The following DRC11 variants were observed in gnomAD, a reference collection of about 807,000 sequenced individuals.
DRC11 encodes the protein IQ and AAA domain-containing protein 1.
chr2:236,500,058 G>T, the DRC11 span, among the ~76,000 whole-genome samples: 1 of 151,420 alleles, frequency 6.6e-6, no homozygotes, highest in Non-Finnish European at 1.5e-5. This position sits in a 1 kb window ranked among gnomAD's most constrained non-coding sequence, Gnocchi z 6.3. Context: ...AGCGTATCTT[G>T]ATGTTTGCAA....
the DRC11 span, among the ~76,000 whole-genome samples, chr2:236,449,737 T>C: frequency 1.3e-5 from 2 of 152,242 alleles, no homozygotes; most frequent in African/African-American, 4.8e-5. The surrounding 1 kb of genome is among the most constrained non-coding windows in gnomAD (Gnocchi z 5.1). Flanking sequence ...TGGAGGCCTA[T>C]TTCTCATTAT....
chr2:236,380,525 G>A, the DRC11 span: 1 of 1,467,080 alleles, frequency 6.8e-7, no homozygotes, highest in Non-Finnish European at 9.3e-7. This position sits in a 1 kb window ranked among gnomAD's most constrained non-coding sequence, Gnocchi z 4.9. Flanking sequence ...GCTGTTCTCT[G>A]GGGCTGCTCA....
the DRC11 span, among the ~76,000 whole-genome samples, chr2:236,357,082 T>G: frequency 6.6e-4 from 60 of 91,556 alleles, 3 homozygotes; most frequent in African/African-American, 1.4e-3. Flanking sequence ...ATTATATATC[T>G]ATATATTTTA....
At chr2:236,311,257 G>A in the DRC11 span, among the ~76,000 whole-genome samples, 42 of 152,310 alleles carry the variant, frequency 2.8e-4, no homozygotes, top group Non-Finnish European at 4.7e-4. This position sits in a 1 kb window ranked among gnomAD's most constrained non-coding sequence, Gnocchi z 6.9. Context: ...CAGGGCAAGC[G>A]CCACACCTGG....
the DRC11 span, among the ~76,000 whole-genome samples, chr2:236,344,327 C>T: frequency 6.6e-6 from 1 of 152,128 alleles, no homozygotes; most frequent in Non-Finnish European, 1.5e-5. Flanking sequence ...GTGGAAAATC[C>T]CTCTCCCCTT....
the DRC11 span, among the ~76,000 whole-genome samples, chr2:236,365,655 A>AG: frequency 2.0e-5 from 3 of 151,930 alleles, no homozygotes; most frequent in African/African-American, 7.3e-5. This position sits in a 1 kb window ranked among gnomAD's most constrained non-coding sequence, Gnocchi z 7.4. Flanking sequence ...TGGACCCGGG[A>AG]GAGTGTGTGG....
the DRC11 span, chr2:236,392,418 T>G: frequency 1.2e-6 from 1 of 820,328 alleles, no homozygotes; most frequent in Non-Finnish European, 1.9e-6. This position sits in a 1 kb window ranked among gnomAD's most constrained non-coding sequence, Gnocchi z 5.1. Flanking sequence ...TAATGAAATT[T>G]TAAAAAGACG....
the DRC11 span, among the ~76,000 whole-genome samples, chr2:236,481,697 T>A: frequency 6.6e-6 from 1 of 152,090 alleles, no homozygotes; most frequent in African/African-American, 2.4e-5. Flanking sequence ...AAAAAAGAAA[T>A]CTCCCAAAGC....
At chr2:236,507,282 C>A in the DRC11 span, 1 of 1,614,002 alleles carries the variant, frequency 6.2e-7, no homozygotes, top group African/African-American at 1.3e-5. Flanking sequence ...GGCTACTTTC[C>A]CTCTTTTCCT....
At chr2:236,328,501 T>C in the DRC11 span, among the ~76,000 whole-genome samples, 2 of 152,062 alleles carry the variant, frequency 1.3e-5, no homozygotes, top group Non-Finnish European at 2.9e-5. The surrounding 1 kb of genome is among the most constrained non-coding windows in gnomAD (Gnocchi z 6.7). Context: ...TATAAAGTGT[T>C]CCAACTTTGT....
chr2:236,397,923 A>G, the DRC11 span, among the ~76,000 whole-genome samples: 50 of 152,374 alleles, frequency 3.3e-4, no homozygotes, highest in South Asian at 0.01. The surrounding 1 kb of genome is among the most constrained non-coding windows in gnomAD (Gnocchi z 5.0). Flanking sequence ...CTAGCACTGC[A>G]CCTGACACCC....
the DRC11 span, among the ~76,000 whole-genome samples, chr2:236,340,758 C>T: frequency 6.6e-6 from 1 of 152,222 alleles, no homozygotes; most frequent in Non-Finnish European, 1.5e-5. Flanking sequence ...TGTTACCTTT[C>T]TGTCCTGAAA....
chr2:236,447,321 G>C, the DRC11 span, among the ~76,000 whole-genome samples: 1 of 151,664 alleles, frequency 6.6e-6, no homozygotes, highest in African/African-American at 2.4e-5. This position sits in a 1 kb window ranked among gnomAD's most constrained non-coding sequence, Gnocchi z 4.6. Flanking sequence ...CCATCCAGTA[G>C]GGCTGGTGTC....
At chr2:236,450,265 C>T in the DRC11 span, among the ~76,000 whole-genome samples, 466 of 134,830 alleles carry the variant, frequency 3.5e-3, 1 homozygote, top group African/African-American at 0.012. Context: ...TGTGACCTGT[C>T]TTTAGGGGAG....
At chr2:236,323,287 G>C in the DRC11 span, among the ~76,000 whole-genome samples, 78 of 152,270 alleles carry the variant, frequency 5.1e-4, no homozygotes, top group East Asian at 9.9e-3. This position sits in a 1 kb window ranked among gnomAD's most constrained non-coding sequence, Gnocchi z 6.4. Flanking sequence ...ATGTTAGGGT[G>C]GGGGAGTCTG....
At chr2:236,500,116 GA>G in the DRC11 span, among the ~76,000 whole-genome samples, 27 of 150,438 alleles carry the variant, frequency 1.8e-4, no homozygotes, top group African/African-American at 6.3e-4. The surrounding 1 kb of genome is among the most constrained non-coding windows in gnomAD (Gnocchi z 6.3). Flanking sequence ...TGATGATGAT[GA>G]TGGCGAAGGT....
chr2:236,307,969 G>T, the DRC11 span, among the ~76,000 whole-genome samples: 2 of 152,004 alleles, frequency 1.3e-5, no homozygotes, highest in Non-Finnish European at 2.9e-5. The surrounding 1 kb of genome is among the most constrained non-coding windows in gnomAD (Gnocchi z 7.0). Context: ...TCGTGTGCTT[G>T]CAGTGACACA....
the DRC11 span, among the ~76,000 whole-genome samples, chr2:236,450,782 T>C: frequency 6.6e-6 from 1 of 152,222 alleles, no homozygotes; most frequent in Non-Finnish European, 1.5e-5. Flanking sequence ...CTGATGTATG[T>C]TTATGCTTTT....
the DRC11 span, among the ~76,000 whole-genome samples, chr2:236,485,827 G>C: frequency 6.6e-6 from 1 of 152,158 alleles, no homozygotes; most frequent in African/African-American, 2.4e-5. Context: ...GGAGGGGCTC[G>C]GGCAGAGGAG....
Sources: allele counts gnomAD v4.1 joint callset (sites outside exome capture counted in the v4.1 genomes callset), GRCh38; gene constraint gnomAD v4.1.1; non-coding constraint Gnocchi (gnomAD v3.1); transcripts MANE v1.5; gene names NCBI Gene and HGNC (gene_info 2026-07-23, HGNC 2026-07-21).